MBD1: variants seen among roughly 807,000 people sequenced by gnomAD.
MBD1 encodes the protein methyl-CpG-binding domain protein 1.
A neutral mutation model predicts 82.6 loss-of-function variants in MBD1; 25 were observed. The ratio of observed to expected loss-of-function variants is 0.30; its 90% CI spans 0.22 to 0.42. MBD1 has a LOEUF of 0.42. MBD1 is among the 10% of genes least tolerant of loss of function. The pLI, the probability that MBD1 is intolerant of heterozygous loss-of-function variation, is 1.00. For missense variants in MBD1, 627 were observed against 819.6 expected (o/e 0.76, Z 2.87); for synonymous variants, 301 against 303.7 (o/e 0.99, Z 0.09).
At chr18:50,280,851 C>T (rs1007454314) in intron 1 of MBD1, among the ~76,000 whole-genome samples, 1 of 152,050 alleles carries the variant, frequency 6.6e-6, no homozygotes, top group African/African-American at 2.4e-5. Context: ...CAGAGAGACC[C>T]TAATTTCTCC....
intron 16 of MBD1, chr18:50,270,133 G>C: frequency 6.3e-7 from 1 of 1,598,334 alleles, no homozygotes; most frequent in Non-Finnish European, 8.5e-7. Context: ...GACTAGGGCT[G>C]AACTAGTTAG....
downstream of MBD1, chr18:50,267,730 T>C: frequency 9.9e-7 from 1 of 1,015,132 alleles, no homozygotes; most frequent in South Asian, 1.4e-5. Context: ...ATAGAACACT[T>C]GTGAGCACAT....
At chr18:50,275,781 A>G in intron 7 of MBD1, 53 bp from the exon 8 acceptor site, 1 of 1,614,050 alleles carries the variant, frequency 6.2e-7, no homozygotes, top group Non-Finnish European at 8.5e-7. Flanking sequence ...GGCCAAGCCC[A>G]TGGGGGCCAG....
intron 2 of MBD1, 41 bp from the exon 3 acceptor site, chr18:50,277,245 A>G: frequency 6.7e-7 from 1 of 1,493,450 alleles, no homozygotes; most frequent in Non-Finnish European, 9.3e-7. Context: ...AGGTGGAGCC[A>G]ATGCCATTTC....
At chr18:50,279,724 A>G (rs1250806500) in intron 2 of MBD1, 159 bp downstream of exon 2, 3 of 970,706 alleles carry the variant, frequency 3.1e-6, no homozygotes, top group Non-Finnish European at 4.5e-6. Context: ...TTACAAATAA[A>G]TTTTATTAAG....
Position 50,275,262 on chromosome 18 carries a change from AGGGT to A in MBD1, c.793-21_793-18del. ...ATGTTTACCCTGGGAAAGATCAGAA[AGGGT>A]GGTTTCAGCTTGGTGGCACCAGGCA... is the stretch of plus-strand genomic sequence containing the variant. On this transcript the variant is annotated intron_variant, in intron 8 of 16. Transcript: ENST00000269468. 6.2e-7 allele frequency: 1 copy of A among 1,613,694 alleles called. No homozygotes were observed. The highest frequency in any genetic ancestry group is 8.5e-7 in the Non-Finnish European group (1 of 1,179,638).
intron 16 of MBD1, chr18:50,271,248 A>G: frequency 3.5e-5 from 49 of 1,401,612 alleles, no homozygotes; most frequent in Non-Finnish European, 4.4e-5. Flanking sequence ...TCTTATACTC[A>G]GGCTCTTGGG....
At chr18:50,268,508 G>A (rs1424286857), downstream of MBD1, among the ~76,000 whole-genome samples, 1 of 152,268 alleles carries the variant, frequency 6.6e-6, no homozygotes, top group Non-Finnish European at 1.5e-5. Context: ...GCGCCGGACG[G>A]AGACCACGCC....
rs113160944 is a variant in MBD1 at position 50,269,597 on chromosome 18, C to T, written c.*254G>A. 60 of 719,066 alleles carry T rather than the reference C, an allele frequency of 8.3e-5. 1 individual carries two copies. In the African/African-American group the frequency reaches 8.4e-4, roughly 10 times the overall value. 44.5% of individuals were successfully genotyped at this position (719,066 alleles called of 1,614,324 possible). ...TCCACCTTCCCCAGGATCATCCTTTCAGCTTCTCTAATTCCTGGGCCAGAT... is the reference window on the plus strand; with the variant it reads ...TCCACCTTCCCCAGGATCATCCTTTTAGCTTCTCTAATTCCTGGGCCAGAT... On this transcript the variant is annotated 3_prime_UTR_variant, in exon 17 of 17. Transcript: ENST00000269468.
intron 6 of MBD1, 106 bp from the exon 7 acceptor site, chr18:50,276,087 C>A: frequency 1.4e-6 from 2 of 1,425,078 alleles, no homozygotes; most frequent in Non-Finnish European, 1.9e-6. Flanking sequence ...TTTTAGTCCC[C>A]CATTAGCCTC....
downstream of MBD1, chr18:50,267,562 G>A (rs1199887105): frequency 6.3e-6 from 9 of 1,432,118 alleles, no homozygotes; most frequent in Middle Eastern, 1.7e-4. Context: ...TGAGAATCAG[G>A]ATCCAGGCAG....
rs914626578 is a variant in MBD1, at chr18:50,269,020, T to G, written c.*831A>C. On this transcript the variant is annotated 3_prime_UTR_variant, in exon 17 of 17. Coordinates refer to ENST00000269468, the MANE Select transcript of MBD1 (RefSeq NM_015846.4). ...TTAAATTCCATGATAAAGTTGGAAATCCATTCACCATTTGTAATACATATT... is the reference window on the plus strand; with the variant it reads ...TTAAATTCCATGATAAAGTTGGAAAGCCATTCACCATTTGTAATACATATT... 19 of 985,790 alleles carry G rather than the reference T, an allele frequency of 1.9e-5. No homozygotes were observed. Among genetic ancestry groups the G allele is most frequent in the Non-Finnish European group, 2.3e-5 (19 of 830,290 alleles). The allele number at this position is 985,790 out of a possible 1,614,324, so 61.1% of individuals were successfully genotyped here.
rs144010294 is a variant in MBD1, at chr18:50,281,293, G to A, written c.-26+70C>T. 123 of 1,399,890 alleles carry A rather than the reference G, an allele frequency of 8.8e-5. No homozygotes were observed. In the African/African-American group the frequency reaches 1.5e-3, roughly 17 times the overall value. The allele number at this position is 1,399,890 out of a possible 1,614,324, so 86.7% of individuals were successfully genotyped here. A position where few individuals can be genotyped will look rare whatever the true frequency, so the allele number is the denominator to read the frequency against. Reference sequence around the variant, plus strand: ...GGGCCCTTCATTCCTCCCCGTCAGCGTTCTGAGCCACAATTCCTTCCCATC... The same window carrying A: ...GGGCCCTTCATTCCTCCCCGTCAGCATTCTGAGCCACAATTCCTTCCCATC... On this transcript the variant is annotated intron_variant, in intron 1 of 16. Coordinates refer to ENST00000269468, the MANE Select transcript of MBD1 (RefSeq NM_015846.4).
Position 50,275,032 on chromosome 18 carries a change from A to C in MBD1, c.923T>G (p.Leu308Arg). Residue 308 changes from leucine (L) to arginine (R), a missense_variant, in exon 10 of 17, where the codon CTG becomes CGG. This residue lies in a region of MBD1 where 228 missense variants were observed against 318.1 expected (regional missense o/e 0.72). Transcript: ENST00000269468. ...GAACTCGGCAGGTGGCGAGGGGGCC[A>C]GGGCTCTGGGGTGCTGTAGAGGCAA... ...PEPTEPHPRALAPSPPAEFIY... is the reference protein window; with the variant it reads ...PEPTEPHPRARAPSPPAEFIY... The C allele has an allele frequency of 1.2e-6, 2 of 1,614,156 alleles. No homozygotes were observed. Among genetic ancestry groups the C allele is most frequent in the Non-Finnish European group, 1.7e-6 (2 of 1,180,016 alleles).
At chr18:50,281,722 G>A (rs2040307712), upstream of MBD1, 1 of 385,714 alleles carries the variant, frequency 2.6e-6, no homozygotes, top group African/African-American at 2.1e-5. Context: ...CCCCTTCGAG[G>A]GACTGGCAGT....
At chr18:50,278,915 G>A (rs990996971) in intron 2 of MBD1, among the ~76,000 whole-genome samples, 1 of 152,162 alleles carries the variant, frequency 6.6e-6, no homozygotes, top group African/African-American at 2.4e-5. Context: ...CTTGGAGGCC[G>A]TATGTGTTAT....
At chr18:50,273,230 A>G in intron 13 of MBD1, 104 bp downstream of exon 13, 3 of 1,496,716 alleles carry the variant, frequency 2.0e-6, no homozygotes, top group Non-Finnish European at 2.7e-6. Context: ...CGTCGCAATC[A>G]GCACATCTAT....
chr18:50,280,002 AG>A lies in MBD1; in HGVS notation c.-11del. On this transcript the variant is annotated 5_prime_UTR_variant, in exon 2 of 17. Coordinates refer to ENST00000269468, the MANE Select transcript of MBD1 (RefSeq NM_015846.4). ...GCCAGTCCTCAGCCATGGAGGCCAC[AG>A]GAAGCAGCAGTAGCCTGAAAGGGGG... The A allele has an allele frequency of 1.9e-6, 3 of 1,605,788 alleles. No homozygotes were observed. Among genetic ancestry groups the A allele is most frequent in the Non-Finnish European group, 2.5e-6 (3 of 1,179,618 alleles).
chr18:50,276,676 C>T lies in MBD1; in HGVS notation c.461G>A (p.Cys154Tyr). 1 of 1,614,218 alleles carries T rather than the reference C, an allele frequency of 6.2e-7. No homozygotes were observed. The highest frequency in any genetic ancestry group is 8.5e-7 in the Non-Finnish European group (1 of 1,180,034). Reference sequence around the variant, plus strand: ...AGGCCACTCACCTCGACAGTCTTTGCACAACGTTTTGAGCCGCTGCCTTTG... The same window carrying T: ...AGGCCACTCACCTCGACAGTCTTTGTACAACGTTTTGAGCCGCTGCCTTTG... ...GTQRQRLKTL[C>Y]KDCRAQRIAF... Residue 154 changes from cysteine to tyrosine, a missense_variant, in exon 5 of 17, where the codon TGC (cysteine) becomes TAC (tyrosine). This residue lies in a region of MBD1 where 228 missense variants were observed against 318.1 expected (regional missense o/e 0.72). Coordinates refer to ENST00000269468, the MANE Select transcript of MBD1 (RefSeq NM_015846.4).
Sources: gnomAD v4.1 joint callset for allele counts (sites outside exome capture counted in the v4.1 genomes callset) on GRCh38, gnomAD v4.1.1 for gene constraint, gnomAD v4.1.1 regional missense constraint, MANE v1.5 for transcripts, NCBI Gene and HGNC (gene_info 2026-07-23, HGNC 2026-07-21) for gene names.